The following JMJD1C variants were observed in gnomAD, a reference collection of about 807,000 sequenced individuals.
JMJD1C encodes jumonji domain containing 1C.
Under a neutral mutation model 245.3 loss-of-function variants are expected in JMJD1C, and 31 were observed. The observed-to-expected ratio is 0.13, with a 90% CI of 0.09 to 0.17. JMJD1C has a LOEUF of 0.17. Among genes scored for constraint, JMJD1C ranks in the 10% least tolerant of loss-of-function variants. JMJD1C has a pLI of 1.00. For synonymous variants in JMJD1C, 1,057 were observed against 1,017.4 expected, an observed-to-expected ratio of 1.04 and a Z score of -0.74; for missense variants, 2,691 against 3,000.2, an observed-to-expected ratio of 0.90 and a Z score of 2.41.
At chr10:63,354,085 C>G (rs1033405329) in intron 2 of JMJD1C, among the ~76,000 whole-genome samples, 3 of 152,120 alleles carry the variant, frequency 2.0e-5, no homozygotes, top group Non-Finnish European at 2.9e-5. Context: ...ATGATCTGCC[C>G]GCCTTGGCCT....
intron 2 of JMJD1C, among the ~76,000 whole-genome samples, chr10:63,360,219 A>G (rs988840846): frequency 1.3e-5 from 2 of 152,112 alleles, no homozygotes; most frequent in Non-Finnish European, 2.9e-5. Context: ...CTCTCACCTC[A>G]GCCTCCCCAG....
intron 4 of JMJD1C, among the ~76,000 whole-genome samples, chr10:63,218,993 G>A (rs894787887): frequency 5.3e-5 from 8 of 152,146 alleles, no homozygotes; most frequent in Admixed American, 1.3e-4. Flanking sequence ...GGTGATGTCT[G>A]AAATTTGATA....
chr10:63,447,983 G>C (rs978488205), intron 1 of JMJD1C, among the ~76,000 whole-genome samples: 2 of 151,752 alleles, frequency 1.3e-5, no homozygotes, highest in African/African-American at 2.4e-5. Flanking sequence ...AAATTTCCTT[G>C]AAACAAAGTC....
At chr10:63,281,136 T>TC in intron 2 of JMJD1C, among the ~76,000 whole-genome samples, 1 of 148,338 alleles carries the variant, frequency 6.7e-6, no homozygotes, top group Admixed American at 6.7e-5. Context: ...CCGGCCTTTT[T>TC]TTTTTTTTTT....
intron 1 of JMJD1C, among the ~76,000 whole-genome samples, chr10:63,406,156 C>T (rs1450907360): frequency 6.6e-6 from 1 of 152,002 alleles, no homozygotes; most frequent in Admixed American, 6.6e-5. Flanking sequence ...TCCATCTTCT[C>T]CACTAAGGAG....
At chr10:63,180,645 C>T (rs1191012339) in intron 22 of JMJD1C, among the ~76,000 whole-genome samples, 1 of 152,164 alleles carries the variant, frequency 6.6e-6, no homozygotes, top group African/African-American at 2.4e-5. Context: ...CTGTGTCACC[C>T]AGGATGGAGT....
intron 3 of JMJD1C, chr10:63,223,108 T>C (rs1848801525): frequency 3.0e-6 from 2 of 665,146 alleles, no homozygotes; most frequent in East Asian, 2.9e-5. Context: ...AACTTACCGA[T>C]AGTTTCAGTA....
intron 2 of JMJD1C, among the ~76,000 whole-genome samples, chr10:63,334,718 C>G (rs983654003): frequency 1.3e-4 from 19 of 146,272 alleles, no homozygotes; most frequent in Non-Finnish European, 2.6e-4. Flanking sequence ...GAGACTGTGT[C>G]TTTTGAGACA....
At chr10:63,337,619 AAAAG>A (rs1942949605) in intron 2 of JMJD1C, among the ~76,000 whole-genome samples, 1 of 59,252 alleles carries the variant, frequency 1.7e-5, no homozygotes, top group Admixed American at 1.4e-4. Flanking sequence ...AAAAGAAAAG[AAAAG>A]AAAAAGAAAA....
At chr10:63,470,209 C>T (rs137930341), upstream of JMJD1C, among the ~76,000 whole-genome samples, 885 of 152,076 alleles carry the variant, frequency 5.8e-3, 4 homozygotes, top group Non-Finnish European at 0.01. Context: ...TTGTCTTGTT[C>T]ATAACTATAC....
In JMJD1C at chr10:63,373,359, A is replaced by G. The variant is rs1322857326; in HGVS notation, c.333+6959T>C. ...ATTCCAGAGAAGGAGCCTGGGTATT[A>G]TACTATTCATATTTTGCTGAAGATG... On this transcript the variant is annotated intron_variant, in intron 2 of 25. Coordinates refer to ENST00000399262, the MANE Select transcript of JMJD1C (RefSeq NM_032776.3). Among the ~76,000 whole-genome samples the G allele has an allele frequency of 2.6e-5, 4 of 152,190 alleles. No individual in the cohort carries two copies. The East Asian group carries it at 7.7e-4, about 29-fold the overall frequency.
intron 3 of JMJD1C, among the ~76,000 whole-genome samples, chr10:63,250,030 G>T (rs1237497365): frequency 6.6e-6 from 1 of 151,624 alleles, no homozygotes; most frequent in Non-Finnish European, 1.5e-5. Flanking sequence ...TTTTTTAAGA[G>T]ACAGGGTTTC....
At chr10:63,302,061 G>C (rs939696084) in intron 2 of JMJD1C, among the ~76,000 whole-genome samples, 1 of 152,250 alleles carries the variant, frequency 6.6e-6, no homozygotes, top group African/African-American at 2.4e-5. Flanking sequence ...CTGTTGCCCA[G>C]GCTGGAGTGC....
At chr10:63,517,345 A>C (rs1955051991) in intron 1 of JMJD1C, among the ~76,000 whole-genome samples, 1 of 152,212 alleles carries the variant, frequency 6.6e-6, no homozygotes, top group Admixed American at 6.5e-5. Context: ...TAAAAGAGAA[A>C]CCAATGCTTT....
At chr10:63,495,093 C>T (rs1478275779) in intron 1 of JMJD1C, among the ~76,000 whole-genome samples, 2 of 151,858 alleles carry the variant, frequency 1.3e-5, no homozygotes. Context: ...ACAGTGTTAG[C>T]GCATTTTTTT....
chr10:63,302,837 A>G (rs1448469218), intron 2 of JMJD1C, among the ~76,000 whole-genome samples: 2 of 152,230 alleles, frequency 1.3e-5, no homozygotes, highest in Non-Finnish European at 2.9e-5. Context: ...CAATCAAATA[A>G]TAATTACACT....
chr10:63,411,188 A>G (rs1949448865), intron 1 of JMJD1C, among the ~76,000 whole-genome samples: 1 of 152,130 alleles, frequency 6.6e-6, no homozygotes. Flanking sequence ...GATAGAACTG[A>G]GATCAGTGGA....
chr10:63,224,759 T>A (rs1382351891), intron 3 of JMJD1C, among the ~76,000 whole-genome samples: 3 of 151,958 alleles, frequency 2.0e-5, no homozygotes, highest in Non-Finnish European at 2.9e-5. Context: ...TGAGCTCGTG[T>A]GAGATTAAAA....
chr10:63,453,422 C>T (rs560213535), intron 1 of JMJD1C, among the ~76,000 whole-genome samples: 4 of 152,196 alleles, frequency 2.6e-5, no homozygotes, highest in Admixed American at 2.6e-4. Flanking sequence ...AAACTGCAAT[C>T]ATTAAAACAC....
Sources: gnomAD v4.1 joint callset for allele counts (sites outside exome capture counted in the v4.1 genomes callset) on GRCh38, gnomAD v4.1.1 for gene constraint, MANE v1.5 for transcripts, NCBI Gene and HGNC (gene_info 2026-07-23, HGNC 2026-07-21) for gene names.